The following LYPLAL1 variants were observed in gnomAD, a reference collection of about 807,000 sequenced individuals.
LYPLAL1 encodes the protein lysophospholipase like 1.
LYPLAL1 carries 23 observed loss-of-function variants against 19.7 expected under a neutral mutation model. The ratio of observed to expected loss-of-function variants is 1.17; its 90% confidence interval spans 0.84 to 1.65. The LOEUF (loss-of-function observed/expected upper bound fraction) is 1.65, where lower values mean the gene tolerates loss of function less well. Among genes scored for constraint, LYPLAL1 ranks in the 40% most tolerant of loss-of-function variants. LYPLAL1 has a pLI of 0.00. For synonymous variants in LYPLAL1, 119 were observed against 96.3 expected, an observed-to-expected ratio of 1.24 and a Z score of -1.38; for missense variants, 355 against 279.4, an observed-to-expected ratio of 1.27 and a Z score of -1.93.
the LYPLAL1 span, chr1:219,222,735 T>G: frequency 2.0e-5 from 3 of 152,160 alleles, no homozygotes; most frequent in African/African-American, 7.2e-5. Context: ...TCTGTTCCCA[T>G]TGCTATAACA....
chr1:219,258,955 A>C, the LYPLAL1 span, among the ~76,000 whole-genome samples: 1 of 152,130 alleles, frequency 6.6e-6, no homozygotes, highest in Non-Finnish European at 1.5e-5. Flanking sequence ...AAGTGGGCTA[A>C]GGACATGAAC....
chr1:219,316,946 G>T, the LYPLAL1 span, among the ~76,000 whole-genome samples: 1 of 152,140 alleles, frequency 6.6e-6, no homozygotes, highest in African/African-American at 2.4e-5. Context: ...GTTTTAAAAG[G>T]TGAAAAGTAT....
At chr1:219,283,309 G>A in the LYPLAL1 span, among the ~76,000 whole-genome samples, 4 of 152,128 alleles carry the variant, frequency 2.6e-5, no homozygotes, top group Admixed American at 2.0e-4. Flanking sequence ...TAACTTTATT[G>A]AGAGGTACTG....
intron 2 of LYPLAL1, among the ~76,000 whole-genome samples, chr1:219,192,529 G>A (rs1000624453): frequency 5.9e-5 from 9 of 151,596 alleles, no homozygotes; most frequent in Non-Finnish European, 1.3e-4. Context: ...TATCTTCTGT[G>A]CAACTCTTCC....
At chr1:219,232,841 C>T in the LYPLAL1 span, among the ~76,000 whole-genome samples, 1 of 149,962 alleles carries the variant, frequency 6.7e-6, no homozygotes, top group African/African-American at 2.5e-5. Context: ...TATCACTGCC[C>T]GTCTGATAGG....
chr1:219,176,781 A>G (rs1016430516), intron 1 of LYPLAL1, among the ~76,000 whole-genome samples: 7 of 152,184 alleles, frequency 4.6e-5, no homozygotes, highest in African/African-American at 1.4e-4. Flanking sequence ...CATAGATTCT[A>G]TTTTTGAGCT....
chr1:219,263,204 C>A, the LYPLAL1 span, among the ~76,000 whole-genome samples: 1 of 152,010 alleles, frequency 6.6e-6, no homozygotes, highest in Admixed American at 6.5e-5. Flanking sequence ...GGTTATCAGG[C>A]CAATGGAGTT....
the LYPLAL1 span, among the ~76,000 whole-genome samples, chr1:219,396,460 G>A: frequency 1.6e-4 from 24 of 152,220 alleles, no homozygotes; most frequent in South Asian, 4.8e-3. Context: ...GGTTTTTCTA[G>A]TTCTATGAAG....
At chr1:219,179,475 T>G (rs972585276) in intron 2 of LYPLAL1, 1 of 430,554 alleles carries the variant, frequency 2.3e-6, no homozygotes, top group African/African-American at 2.1e-5. Context: ...AGCTCTGAAT[T>G]TAAACTGTGT....
At position 219,188,387 on chromosome 1, in the gene LYPLAL1, C is replaced by T. The variant is rs1175837598; in HGVS notation, c.192-4695C>T. Among the ~76,000 whole-genome samples, 3 of 151,800 alleles carry T rather than the reference C, an allele frequency of 2.0e-5. No homozygotes were observed. In the East Asian group the frequency reaches 5.8e-4, roughly 29 times the overall value. ...GAGAAGGTGACACTTGAGCTGAGAC[C>T]TAAATGAACAGTCGGAGCCCACCAT... On this transcript the variant is annotated intron_variant, in intron 2 of 4. Transcript: ENST00000366928.
the LYPLAL1 span, among the ~76,000 whole-genome samples, chr1:219,366,859 C>T: frequency 6.6e-6 from 1 of 151,972 alleles, no homozygotes; most frequent in Non-Finnish European, 1.5e-5. Context: ...GAGTAGTGTG[C>T]AATATCATAT....
chr1:219,227,366 G>C, the LYPLAL1 span, among the ~76,000 whole-genome samples: 1 of 152,238 alleles, frequency 6.6e-6, no homozygotes, highest in African/African-American at 2.4e-5. Flanking sequence ...TGTCTGTTTC[G>C]ATATTGTGTT....
chr1:219,197,980 G>A (rs7553524), intron 3 of LYPLAL1, among the ~76,000 whole-genome samples: 3,342 of 152,164 alleles, frequency 0.022, 123 homozygotes, highest in African/African-American at 0.075. Flanking sequence ...AGTCACCTGG[G>A]AGAAAAATAT....
At chr1:219,224,024 T>C in the LYPLAL1 span, among the ~76,000 whole-genome samples, 8 of 152,142 alleles carry the variant, frequency 5.3e-5, no homozygotes, top group African/African-American at 1.4e-4. Flanking sequence ...ACTAGAGATA[T>C]ACTTGACATA....
At chr1:219,388,275 T>C in the LYPLAL1 span, among the ~76,000 whole-genome samples, 1 of 152,142 alleles carries the variant, frequency 6.6e-6, no homozygotes, top group Admixed American at 6.5e-5. Context: ...AAAATTACTA[T>C]TAAAAATACA....
chr1:219,294,933 C>T, the LYPLAL1 span, among the ~76,000 whole-genome samples: 1 of 152,134 alleles, frequency 6.6e-6, no homozygotes, highest in Non-Finnish European at 1.5e-5. Context: ...GGAATTGTAT[C>T]TCACCTCAAT....
At chr1:219,300,461 G>A in the LYPLAL1 span, among the ~76,000 whole-genome samples, 1 of 150,924 alleles carries the variant, frequency 6.6e-6, no homozygotes, top group South Asian at 2.1e-4. Context: ...TGAACAGGTG[G>A]AAAAGAGATT....
At chr1:219,187,058 A>G (rs1430993998) in intron 2 of LYPLAL1, among the ~76,000 whole-genome samples, 1 of 150,924 alleles carries the variant, frequency 6.6e-6, no homozygotes, top group Non-Finnish European at 1.5e-5. Context: ...TTGTAACTAT[A>G]TAGGTCCCTT....
chr1:219,409,206 TGG>T, the LYPLAL1 span, among the ~76,000 whole-genome samples: 1 of 152,068 alleles, frequency 6.6e-6, no homozygotes, highest in Non-Finnish European at 1.5e-5. Flanking sequence ...CCTAGAATTT[TGG>T]GAGGTGGAGA....
Sources: gnomAD v4.1 joint callset for allele counts (sites outside exome capture counted in the v4.1 genomes callset) on GRCh38, gnomAD v4.1.1 for gene constraint, MANE v1.5 for transcripts, NCBI Gene and HGNC (gene_info 2026-07-23, HGNC 2026-07-21) for gene names.